The following TTLL5 variants were observed in gnomAD, a reference collection of about 807,000 sequenced individuals.
TTLL5 encodes tubulin polyglutamylase TTLL5.
In TTLL5, 132 loss-of-function variants were observed where a neutral mutation model predicts 168.4. That is an observed-to-expected ratio of 0.78 (90% CI 0.68 to 0.91). The LOEUF (loss-of-function observed/expected upper bound fraction) is 0.91. TTLL5 is among the 40% of genes least tolerant of loss of function. The pLI is 0.00. For synonymous variants in TTLL5, 546 were observed against 558.6 expected, an observed-to-expected ratio of 0.98 and a Z score of 0.32; for missense variants, 1,545 against 1,581.5, an observed-to-expected ratio of 0.98 and a Z score of 0.39.
At position 75,720,722 on chromosome 14, in the gene TTLL5, C is replaced by T. The variant is rs994673263; in HGVS notation, c.1042+19C>T. 2 of 1,597,406 alleles carry T rather than the reference C, an allele frequency of 1.3e-6. No homozygotes were observed. The highest frequency in any genetic ancestry group is 1.7e-6 in the Non-Finnish European group (2 of 1,165,130). ...TGTTTTGGTAAGGAGACTCAAGAAGCTTAACATGTTTTGTGAAGAGGATCT... is the reference window on the plus strand; with the variant it reads ...TGTTTTGGTAAGGAGACTCAAGAAGTTTAACATGTTTTGTGAAGAGGATCT... On this transcript the variant is annotated intron_variant, in intron 12 of 31. Transcript: ENST00000298832.
At chr14:75,913,108 A>G (rs1432697199) in intron 31 of TTLL5, among the ~76,000 whole-genome samples, 5 of 152,224 alleles carry the variant, frequency 3.3e-5, no homozygotes, top group African/African-American at 4.8e-5. Flanking sequence ...TACTGTTTGA[A>G]GATGCGTCTA....
At chr14:75,788,712 C>T (rs552206850) in intron 26 of TTLL5, among the ~76,000 whole-genome samples, 1 of 152,198 alleles carries the variant, frequency 6.6e-6, no homozygotes, top group East Asian at 1.9e-4. Context: ...AAAAACTCTT[C>T]TGGAGTGTGG....
In TTLL5 at chr14:75,954,529, G is replaced by A. The variant is rs2035056507; in HGVS notation, c.*83G>A. 4 of 1,519,992 alleles carry A rather than the reference G, an allele frequency of 2.6e-6. No homozygotes were observed. The highest frequency in any genetic ancestry group is 3.6e-6 in the Non-Finnish European group (4 of 1,106,782). The allele number at this position is 1,519,992 out of a possible 1,614,324, so 94.2% of individuals were successfully genotyped here. A position where few individuals can be genotyped will look rare whatever the true frequency, so the allele number is the denominator to read the frequency against. On this transcript the variant is annotated 3_prime_UTR_variant, in exon 32 of 32. Transcript: ENST00000298832. ...GAAGCATCCACCAGCACTTCAAGGG[G>A]TCCATAGTATTTTTTTTTTTGCTGC... is the stretch of plus-strand genomic sequence containing the variant.
intron 26 of TTLL5, among the ~76,000 whole-genome samples, chr14:75,790,684 C>T (rs1396399933): frequency 4.0e-5 from 6 of 151,590 alleles, no homozygotes; most frequent in East Asian, 2.0e-4. Flanking sequence ...AATCTGGTCT[C>T]GAACTTCTGT....
chr14:75,816,974 A>ATTTTTTTTTTTTTTTTTT (rs35736530), intron 27 of TTLL5, among the ~76,000 whole-genome samples: 5 of 96,084 alleles, frequency 5.2e-5, no homozygotes, highest in Admixed American at 1.4e-4. Flanking sequence ...TCCCTGTCTT[A>ATTTTTTTTTTTTTTTTTT]TTTTTTTTTT....
chr14:75,887,222 G>A (rs973179176), intron 30 of TTLL5: 6 of 991,016 alleles, frequency 6.1e-6, no homozygotes, highest in African/African-American at 3.5e-5. Flanking sequence ...ACCTGAACAT[G>A]TGGTGAGGTC....
chr14:75,661,683 C>A (rs1890737614), intron 1 of TTLL5: 1 of 152,288 alleles, frequency 6.6e-6, no homozygotes, highest in Non-Finnish European at 1.5e-5. Flanking sequence ...TCTCCCCGCT[C>A]TGCAGGCAGC....
chr14:75,809,383 T>C (rs1893853269), intron 27 of TTLL5, among the ~76,000 whole-genome samples: 1 of 152,150 alleles, frequency 6.6e-6, no homozygotes, highest in Non-Finnish European at 1.5e-5. Context: ...CTTTATATAT[T>C]TCAGTGATAG....
intron 29 of TTLL5, among the ~76,000 whole-genome samples, chr14:75,864,932 C>T (rs113100531): frequency 6.6e-6 from 1 of 152,078 alleles, no homozygotes; most frequent in Non-Finnish European, 1.5e-5. Context: ...AACTACCACC[C>T]ATAATAAAAT....
intron 27 of TTLL5, among the ~76,000 whole-genome samples, chr14:75,809,178 C>T (rs1360976972): frequency 6.6e-6 from 1 of 152,064 alleles, no homozygotes; most frequent in Non-Finnish European, 1.5e-5. Flanking sequence ...AAAAAATATA[C>T]ACTCAAACTT....
At chr14:75,838,572 A>C (rs931952656) in intron 28 of TTLL5, 7 of 152,294 alleles carry the variant, frequency 4.6e-5, no homozygotes, top group African/African-American at 1.4e-4. Context: ...AAAAAAAAAA[A>C]AACAAAAAGA....
chr14:75,825,399 C>T (rs1456782946), intron 28 of TTLL5, among the ~76,000 whole-genome samples: 1 of 152,152 alleles, frequency 6.6e-6, no homozygotes, highest in Non-Finnish European at 1.5e-5. Flanking sequence ...ACAAGAGACT[C>T]TTCCTTTTTC....
intron 12 of TTLL5, among the ~76,000 whole-genome samples, chr14:75,728,778 C>A (rs8012246): frequency 0.64 from 97,084 of 151,790 alleles, 34,096 homozygotes; most frequent in Non-Finnish European, 0.77. Flanking sequence ...GAGAGTGTCA[C>A]CCTGAGCAAA....
intron 6 of TTLL5, 140 bp from the exon 7 acceptor site, chr14:75,699,048 G>A (rs1886072607): frequency 1.5e-6 from 1 of 683,010 alleles, no homozygotes; most frequent in Admixed American, 2.7e-5. Context: ...GGTAATTTTA[G>A]TTACTGCCCA....
chr14:75,776,676 T>C, intron 22 of TTLL5, 71 bp from the exon 23 acceptor site: 1 of 1,103,152 alleles, frequency 9.1e-7, no homozygotes, highest in South Asian at 1.4e-5. Flanking sequence ...TGAAACTACA[T>C]GATGAAGTGC....
chr14:75,868,296 A>T (rs893985487), intron 29 of TTLL5, among the ~76,000 whole-genome samples: 1 of 152,222 alleles, frequency 6.6e-6, no homozygotes, highest in Admixed American at 6.5e-5. Context: ...TTTAACAATC[A>T]TGGGAGAAAG....
chr14:75,894,158 A>G (rs1250975125), intron 30 of TTLL5, among the ~76,000 whole-genome samples: 2 of 152,200 alleles, frequency 1.3e-5, no homozygotes, highest in African/African-American at 4.8e-5. Flanking sequence ...TTAGGAAAAA[A>G]TAGCTAAATA....
At chr14:75,714,319 C>G (rs1324432720) in intron 9 of TTLL5, among the ~76,000 whole-genome samples, 2 of 152,122 alleles carry the variant, frequency 1.3e-5, no homozygotes, top group African/African-American at 4.8e-5. Flanking sequence ...TGGTCTTACC[C>G]TTTGTAATTA....
intron 31 of TTLL5, among the ~76,000 whole-genome samples, chr14:75,929,376 C>T (rs529181330): frequency 6.6e-6 from 1 of 151,768 alleles, no homozygotes; most frequent in Middle Eastern, 3.4e-3. Context: ...TGCTATTTAC[C>T]CTATGCCACT....
Sources: gnomAD v4.1 joint callset for allele counts (sites outside exome capture counted in the v4.1 genomes callset) on GRCh38, gnomAD v4.1.1 for gene constraint, MANE v1.5 for transcripts, NCBI Gene and HGNC (gene_info 2026-07-23, HGNC 2026-07-21) for gene names.